The following TRIO variants were observed in gnomAD, a reference collection of about 807,000 sequenced individuals.
The protein encoded by TRIO is triple functional domain protein.
In TRIO, 58 loss-of-function variants were observed where a neutral mutation model predicts 351.9. The observed-to-expected ratio is 0.16, with a 90% CI of 0.13 to 0.21. The LOEUF is 0.21. TRIO is among the 10% of genes least tolerant of loss of function. The pLI is 1.00. For missense variants in TRIO, 3,201 were observed against 4,027.8 expected (o/e 0.79, Z 5.56); for synonymous variants, 1,758 against 1,595.7 (o/e 1.10, Z -2.42).
chr5:14,430,216 C>CAAAA (rs139833933), intron 34 of TRIO, among the ~76,000 whole-genome samples: 1,836 of 118,432 alleles, frequency 0.016, 50 homozygotes, highest in African/African-American at 0.053. Context: ...ACCCAAATAG[C>CAAAA]AAAAAAAAAA....
At chr5:14,472,092 A>C (rs1043194016) in intron 38 of TRIO, among the ~76,000 whole-genome samples, 1 of 152,258 alleles carries the variant, frequency 6.6e-6, no homozygotes, top group Non-Finnish European at 1.5e-5. Flanking sequence ...GTTGTTTGCT[A>C]TACTGATCAA....
rs1554065887 is a variant in TRIO at position 14,374,244 on chromosome 5, C to A, written c.3232C>A (p.Arg1078=). ...TGTTTTTTAGGCTTGCACCCTTGCT[C>A]GGAGGAATGCAGACGTCTTCCTGAA... ...EAFLKACTLA[R]RNADVFLKYL... Residue 1078 remains arginine (R), a synonymous_variant, in exon 19 of 57, where the codon CGG becomes AGG. Transcript: ENST00000344204. The A allele has an allele frequency of 6.2e-7, 1 of 1,613,252 alleles. No homozygotes were observed. Among genetic ancestry groups the A allele is most frequent in the South Asian group, 1.1e-5 (1 of 90,990 alleles).
intron 8 of TRIO, among the ~76,000 whole-genome samples, chr5:14,315,417 T>A (rs1739297912): frequency 6.6e-6 from 1 of 152,032 alleles, no homozygotes; most frequent in African/African-American, 2.4e-5. Flanking sequence ...CACGCCCAGC[T>A]AATTTTTGTA....
intron 1 of TRIO, among the ~76,000 whole-genome samples, chr5:14,185,939 G>A (rs1253552414): frequency 3.3e-5 from 5 of 152,190 alleles, no homozygotes; most frequent in Admixed American, 2.0e-4. Context: ...GTGAAGAACT[G>A]TGCAAAAGGC....
At chr5:14,377,968 T>C in intron 19 of TRIO, 44 bp from the exon 20 acceptor site, 1 of 1,485,756 alleles carries the variant, frequency 6.7e-7, no homozygotes, top group Non-Finnish European at 9.3e-7. Context: ...GTTGTTTTAA[T>C]TGATTGCAAG....
chr5:14,249,028 T>G (rs183051201), intron 1 of TRIO, among the ~76,000 whole-genome samples: 1 of 152,336 alleles, frequency 6.6e-6, no homozygotes, highest in East Asian at 1.9e-4. Flanking sequence ...GTGAGCTAGA[T>G]GTACATAGTT....
intron 1 of TRIO, among the ~76,000 whole-genome samples, chr5:14,174,538 G>T (rs1789292606): frequency 6.6e-6 from 1 of 152,140 alleles, no homozygotes; most frequent in Non-Finnish European, 1.5e-5. Context: ...ATTTCTGATG[G>T]TCACGTGATG....
At chr5:14,489,528 G>A (rs1375004609) in intron 48 of TRIO, among the ~76,000 whole-genome samples, 1 of 152,190 alleles carries the variant, frequency 6.6e-6, no homozygotes, top group African/African-American at 2.4e-5. Flanking sequence ...CACTTAGTTG[G>A]ATACTCAGTA....
intron 33 of TRIO, among the ~76,000 whole-genome samples, chr5:14,410,933 G>A (rs1044170895): frequency 1.1e-4 from 17 of 152,204 alleles, no homozygotes; most frequent in Non-Finnish European, 1.8e-4. Context: ...AGTGAATTTA[G>A]TACTGATCCT....
chr5:14,405,108 G>A (rs1005252835), intron 31 of TRIO, among the ~76,000 whole-genome samples: 11 of 151,886 alleles, frequency 7.2e-5, no homozygotes, highest in Non-Finnish European at 1.6e-4. Context: ...AAAAAAGTCT[G>A]GATCAAGTGA....
Position 14,461,137 on chromosome 5 carries a change from C to G in TRIO, c.5322C>G (p.Arg1774=), listed in dbSNP as rs749125709. The change falls in exon 35 of 57, where the codon CGC becomes CGG. Residue 1774 remains arginine, a synonymous_variant. Coordinates refer to ENST00000344204, the MANE Select transcript of TRIO (RefSeq NM_007118.4). Reference sequence around the variant, plus strand: ...CCAAGCGGCCGGGCAACACCCTGCGCAAGTGGCTCACCAGCCCCGTGCGGC... The same window carrying G: ...CCAAGCGGCCGGGCAACACCCTGCGGAAGTGGCTCACCAGCCCCGTGCGGC... The part of the protein sequence containing the change: ...PGPKRPGNTL[R]KWLTSPVRRL... The G allele has an allele frequency of 6.4e-6, 10 of 1,556,366 alleles. No individual in the cohort carries two copies. In the South Asian group the frequency reaches 1.2e-4, roughly 18 times the overall value.
chr5:14,400,337 G>T lies in TRIO; in HGVS notation c.4615-626G>T, dbSNP rs367815551. On this transcript the variant is annotated intron_variant, in intron 30 of 56. Coordinates refer to ENST00000344204, the MANE Select transcript of TRIO (RefSeq NM_007118.4). ...AGAGGCTACCTCTGGAGCTCTGGAT[G>T]ATGAATCACTTCCTTTGCTGGGGTG... Among the ~76,000 whole-genome samples, 15 of 152,258 alleles carry T rather than the reference G, an allele frequency of 9.9e-5. No homozygotes were observed. In the East Asian group the frequency reaches 2.3e-3, roughly 24 times the overall value.
chr5:14,224,553 G>T (rs779127430), intron 1 of TRIO, among the ~76,000 whole-genome samples: 1 of 152,142 alleles, frequency 6.6e-6, no homozygotes, highest in Non-Finnish European at 1.5e-5. Flanking sequence ...ACTAGCTTGG[G>T]AAGGCTGGAT....
chr5:14,155,286 G>A (rs1788041064), intron 1 of TRIO, among the ~76,000 whole-genome samples: 1 of 152,316 alleles, frequency 6.6e-6, no homozygotes, highest in East Asian at 1.9e-4. Context: ...TGAACCATTT[G>A]AGAGTAGGTT....
intron 2 of TRIO, among the ~76,000 whole-genome samples, chr5:14,272,488 C>T (rs181986401): frequency 6.6e-6 from 1 of 152,286 alleles, no homozygotes; most frequent in East Asian, 1.9e-4. Flanking sequence ...ATATAGTTTA[C>T]AGTCAACACT....
chr5:14,388,327 C>T (rs1234037100), intron 23 of TRIO, among the ~76,000 whole-genome samples: 1 of 152,164 alleles, frequency 6.6e-6, no homozygotes, highest in Admixed American at 6.5e-5. Flanking sequence ...GAGCACTCTC[C>T]AGTGCAGAGG....
rs1365982098 is a variant in TRIO at position 14,149,290 on chromosome 5, G to C, written c.157+5408G>C. ...CTAGATTGTCCAGTGAGGACTCCCA[G>C]CTTTTTGATGTTACTGAGCCTTCTG... On this transcript the variant is annotated intron_variant, in intron 1 of 56. Transcript: ENST00000344204. 3.3e-5 allele frequency among the ~76,000 whole-genome samples: 5 copies of C among 152,324 alleles called. No individual in the cohort carries two copies. In the East Asian group the frequency reaches 9.6e-4, roughly 29 times the overall value.
chr5:14,285,569 G>C (rs1736369806), intron 3 of TRIO, among the ~76,000 whole-genome samples: 1 of 152,020 alleles, frequency 6.6e-6, no homozygotes, highest in Non-Finnish European at 1.5e-5. Flanking sequence ...AGGGTTAGGG[G>C]AGTGAGCCTA....
intron 1 of TRIO, among the ~76,000 whole-genome samples, chr5:14,234,336 A>G (rs1793647615): frequency 6.6e-6 from 1 of 152,178 alleles, no homozygotes; most frequent in African/African-American, 2.4e-5. Context: ...AGCTTGTGGC[A>G]AGACCAGTGA....
Sources: gnomAD v4.1 joint callset for allele counts (sites outside exome capture counted in the v4.1 genomes callset) on GRCh38, gnomAD v4.1.1 for gene constraint, MANE v1.5 for transcripts, NCBI Gene and HGNC (gene_info 2026-07-23, HGNC 2026-07-21) for gene names.